DSCAM: variants seen among roughly 807,000 people sequenced by gnomAD.
DSCAM encodes DS cell adhesion molecule, also known as cell adhesion molecule DSCAM.
DSCAM carries 47 observed loss-of-function variants against 217.7 expected under a neutral mutation model. The ratio of observed to expected loss-of-function variants is 0.22; its 90% CI spans 0.17 to 0.28. DSCAM has a LOEUF of 0.28. Ranked by LOEUF, DSCAM falls within the 10% of genes least tolerant of loss-of-function variation. The pLI is 1.00. For missense variants in DSCAM, 2,080 were observed against 2,618.3 expected, an observed-to-expected ratio of 0.79 and a Z score of 4.49; for synonymous variants, 1,056 against 1,015.3, an observed-to-expected ratio of 1.04 and a Z score of -0.76.
At chr21:40,282,287 C>T (rs999545673) in intron 10 of DSCAM, among the ~76,000 whole-genome samples, 1 of 151,998 alleles carries the variant, frequency 6.6e-6, no homozygotes, top group Non-Finnish European at 1.5e-5. Context: ...AAAAATATAA[C>T]TATAAGATAG....
chr21:40,230,106 T>C (rs1318689374), intron 11 of DSCAM, among the ~76,000 whole-genome samples: 3 of 152,250 alleles, frequency 2.0e-5, no homozygotes, highest in African/African-American at 7.2e-5. Context: ...AGCATCTTTT[T>C]CTATACTTGT....
intron 14 of DSCAM, among the ~76,000 whole-genome samples, chr21:40,183,352 C>T (rs2090858837): frequency 6.6e-6 from 1 of 152,106 alleles, no homozygotes; most frequent in Admixed American, 6.5e-5. Flanking sequence ...ACCAAGGCAA[C>T]CTGTGTAATT....
intron 3 of DSCAM, among the ~76,000 whole-genome samples, chr21:40,392,016 G>A (rs2075138356): frequency 6.6e-6 from 1 of 152,124 alleles, no homozygotes; most frequent in Non-Finnish European, 1.5e-5. Flanking sequence ...CCCACCTGAG[G>A]CTGAGTCTTC....
At chr21:40,683,165 T>C (rs907123028) in intron 3 of DSCAM, among the ~76,000 whole-genome samples, 5 of 152,160 alleles carry the variant, frequency 3.3e-5, no homozygotes, top group Non-Finnish European at 7.3e-5. Flanking sequence ...CAGTGTGTGA[T>C]ATTTTGTTTT....
At chr21:40,140,806 C>A (rs77859479) in intron 18 of DSCAM, among the ~76,000 whole-genome samples, 2,514 of 152,210 alleles carry the variant, frequency 0.017, 74 homozygotes, top group African/African-American at 0.057. Flanking sequence ...GTTCTGTATT[C>A]ATTAGCATCT....
chr21:40,476,802 G>A (rs1236970203), intron 3 of DSCAM, among the ~76,000 whole-genome samples: 1 of 152,106 alleles, frequency 6.6e-6, no homozygotes, highest in Non-Finnish European at 1.5e-5. Flanking sequence ...GCCTCAATAA[G>A]AAGAATGAGT....
At chr21:40,484,351 T>C (rs1042381821) in intron 3 of DSCAM, among the ~76,000 whole-genome samples, 4 of 152,212 alleles carry the variant, frequency 2.6e-5, no homozygotes, top group African/African-American at 9.6e-5. Context: ...TCTGCAGAGA[T>C]AGAGGTTAAC....
intron 3 of DSCAM, among the ~76,000 whole-genome samples, chr21:40,646,427 A>G (rs202177515): frequency 7.5e-5 from 9 of 120,086 alleles, no homozygotes; most frequent in East Asian, 3.6e-4. Flanking sequence ...AAAAAAAAAA[A>G]AGGGGGGCTG....
At chr21:40,791,634 CAGAG>C (rs2123466373) in intron 1 of DSCAM, among the ~76,000 whole-genome samples, 1 of 152,230 alleles carries the variant, frequency 6.6e-6, no homozygotes, top group Non-Finnish European at 1.5e-5. Context: ...GCCTGGGCGA[CAGAG>C]AGAGACACCG....
chr21:40,431,338 A>G (rs2075529594), intron 3 of DSCAM, among the ~76,000 whole-genome samples: 1 of 151,922 alleles, frequency 6.6e-6, no homozygotes, highest in Non-Finnish European at 1.5e-5. Context: ...GACAATGAGG[A>G]CAAAGACCTT....
intron 11 of DSCAM, among the ~76,000 whole-genome samples, chr21:40,225,530 C>T (rs1374336923): frequency 6.6e-6 from 1 of 152,184 alleles, no homozygotes; most frequent in African/African-American, 2.4e-5. Flanking sequence ...GAAGCCATGA[C>T]ATCTTCTCCT....
At chr21:40,050,065 A>C (rs2088903823) in intron 30 of DSCAM, among the ~76,000 whole-genome samples, 1 of 152,186 alleles carries the variant, frequency 6.6e-6, no homozygotes, top group South Asian at 2.1e-4. Context: ...TGCAGGAAAC[A>C]TTTCTAACCC....
At chr21:40,256,414 G>C (rs1449956031) in intron 11 of DSCAM, among the ~76,000 whole-genome samples, 2 of 151,218 alleles carry the variant, frequency 1.3e-5, no homozygotes, top group Non-Finnish European at 2.9e-5. Context: ...CAGAGAGAGA[G>C]AGAGAGAGAC....
intron 11 of DSCAM, among the ~76,000 whole-genome samples, chr21:40,206,751 T>A (rs1274362519): frequency 2.2e-5 from 3 of 138,626 alleles, no homozygotes; most frequent in African/African-American, 5.5e-5. Context: ...TCTACAAAAA[T>A]AAAATAATAA....
intron 11 of DSCAM, among the ~76,000 whole-genome samples, chr21:40,205,193 G>T (rs1047296769): frequency 3.9e-5 from 6 of 152,196 alleles, no homozygotes; most frequent in Non-Finnish European, 1.5e-5. Context: ...GGTATTGACG[G>T]CTCTAAATGA....
chr21:40,437,002 AGT>A (rs2075589113), intron 3 of DSCAM, among the ~76,000 whole-genome samples: 1 of 152,222 alleles, frequency 6.6e-6, no homozygotes, highest in African/African-American at 2.4e-5. Flanking sequence ...TTTGGGAAAT[AGT>A]GTGTTACACT....
chr21:40,750,203 C>T (rs188219017), intron 1 of DSCAM, among the ~76,000 whole-genome samples: 1 of 152,276 alleles, frequency 6.6e-6, no homozygotes, highest in Non-Finnish European at 1.5e-5. Flanking sequence ...GCTGGGATTA[C>T]AGGCATGAGC....
intron 3 of DSCAM, among the ~76,000 whole-genome samples, chr21:40,616,938 A>C (rs1601791707): frequency 7.2e-6 from 1 of 139,076 alleles, no homozygotes; most frequent in Non-Finnish European, 1.5e-5. Context: ...AGTGGCGTGA[A>C]CCCGGGAGGC....
intron 1 of DSCAM, among the ~76,000 whole-genome samples, chr21:40,796,934 G>A (rs2091696811): frequency 6.6e-6 from 1 of 152,152 alleles, no homozygotes; most frequent in Admixed American, 6.5e-5. Flanking sequence ...GGAGATCAGA[G>A]GGGTAGAAAC....
Sources: gnomAD v4.1 joint callset for allele counts (sites outside exome capture counted in the v4.1 genomes callset) on GRCh38, gnomAD v4.1.1 for gene constraint, MANE v1.5 for transcripts, NCBI Gene and HGNC (gene_info 2026-07-23, HGNC 2026-07-21) for gene names.